CC2D1A: variants seen among roughly 807,000 people sequenced by gnomAD.
CC2D1A encodes coiled-coil and C2 domain containing 1A.
A neutral mutation model predicts 123.8 loss-of-function variants in CC2D1A; 68 were observed. The ratio of observed to expected loss-of-function variants is 0.55; its 90% confidence interval spans 0.45 to 0.67. CC2D1A has a LOEUF of 0.67. CC2D1A is among the 30% of genes least tolerant of loss of function. CC2D1A has a pLI of 0.00. For synonymous variants in CC2D1A, 477 were observed against 528.0 expected (o/e 0.90, Z 1.32); for missense variants, 1,185 against 1,290.3 (o/e 0.92, Z 1.25).
chr19:13,911,606 C>T (rs1017957774), intron 2 of CC2D1A, among the ~76,000 whole-genome samples: 9 of 147,062 alleles, frequency 6.1e-5, no homozygotes, highest in Non-Finnish European at 1.3e-4. Flanking sequence ...AGTGCAGTGG[C>T]GCAATCTCAG....
intron 2 of CC2D1A, among the ~76,000 whole-genome samples, chr19:13,910,357 G>A (rs1042466214): frequency 7.6e-5 from 11 of 145,112 alleles, no homozygotes; most frequent in African/African-American, 1.0e-4. Context: ...GCAGTGAGCC[G>A]AGATCGCACC....
chr19:13,918,439 G>C, intron 7 of CC2D1A, 65 bp from the exon 8 acceptor site: 1 of 1,495,138 alleles, frequency 6.7e-7, no homozygotes, highest in Middle Eastern at 1.7e-4. Flanking sequence ...AGGGCCCGGA[G>C]GCTCCCCACA....
At chr19:13,920,093 T>A (rs937281844) in intron 12 of CC2D1A, 142 bp downstream of exon 12, 2 of 845,828 alleles carry the variant, frequency 2.4e-6, no homozygotes, top group African/African-American at 3.5e-5. Flanking sequence ...ACAAAAAAAT[T>A]TTTTAAAATT....
At chr19:13,907,346 G>C (rs530217443) in intron 1 of CC2D1A, among the ~76,000 whole-genome samples, 1 of 152,258 alleles carries the variant, frequency 6.6e-6, no homozygotes, top group Admixed American at 6.6e-5. Flanking sequence ...AGGAGTTCAA[G>C]ACCGCAGTGA....
chr19:13,921,052 A>G, intron 14 of CC2D1A, 130 bp downstream of exon 14: 2 of 860,948 alleles, frequency 2.3e-6, no homozygotes. Context: ...CTCCCAAGAC[A>G]ATGGCTGAAA....
chr19:13,930,106 G>A lies in CC2D1A; in HGVS notation c.2739G>A (p.Leu913=). 1 of 1,611,456 alleles carries A rather than the reference G, an allele frequency of 6.2e-7. No homozygotes were observed. Among genetic ancestry groups the A allele is most frequent in the African/African-American group, 1.3e-5 (1 of 74,640 alleles). ...REYAAQLERQ[L]QFYTEAARRL... ...ACGCAGCCCAGCTGGAGCGGCAGCTGCAGTTCTACACGGAGGCTGCCCGGC... is the reference window on the plus strand; with the variant it reads ...ACGCAGCCCAGCTGGAGCGGCAGCTACAGTTCTACACGGAGGCTGCCCGGC... Residue 913 remains leucine (L), a synonymous_variant, in exon 27 of 29, where the codon CTG becomes CTA. Transcript: ENST00000318003. This position sits in a 1 kb window ranked among gnomAD's most constrained non-coding sequence, Gnocchi z 6.8.
chr19:13,915,043 C>G (rs746048870), intron 6 of CC2D1A, among the ~76,000 whole-genome samples: 1 of 152,204 alleles, frequency 6.6e-6, no homozygotes, highest in Non-Finnish European at 1.5e-5. Flanking sequence ...CCTTCTGCAA[C>G]CAAGCTAGTT....
In CC2D1A at chr19:13,930,125, G is replaced by C; in HGVS notation, c.2758G>C (p.Ala920Pro). Reference sequence around the variant, plus strand: ...GCAGCTGCAGTTCTACACGGAGGCTGCCCGGCGCCTGGGCAACGATGGCAG... The same window carrying C: ...GCAGCTGCAGTTCTACACGGAGGCTCCCCGGCGCCTGGGCAACGATGGCAG... ...ERQLQFYTEA[A>P]RRLGNDGSRD... The change falls in exon 27 of 29, where the codon GCC becomes CCC. Residue 920 changes from alanine to proline, a missense_variant. Physicochemically the swap from Ala to Pro is conservative, Grantham distance 27 (BLOSUM62 -1). Coordinates refer to ENST00000318003, the MANE Select transcript of CC2D1A (RefSeq NM_017721.5). This position sits in a 1 kb window ranked among gnomAD's most constrained non-coding sequence, Gnocchi z 6.8. 1.2e-6 allele frequency: 2 copies of C among 1,612,588 alleles called. No individual in the cohort carries two copies. The highest frequency in any genetic ancestry group is 1.7e-6 in the Non-Finnish European group (2 of 1,179,548).
chr19:13,916,081 A>C (rs1971195271), intron 6 of CC2D1A, among the ~76,000 whole-genome samples: 1 of 151,902 alleles, frequency 6.6e-6, no homozygotes, highest in African/African-American at 2.4e-5. Flanking sequence ...ACATGGTGAG[A>C]CCTCATCTCT....
intron 11 of CC2D1A, 65 bp downstream of exon 11, chr19:13,919,267 G>A: frequency 7.7e-7 from 1 of 1,306,940 alleles, no homozygotes; most frequent in East Asian, 2.5e-5. Flanking sequence ...GCCCCCAGAG[G>A]CCCCGCCGCT....
At chr19:13,925,933 A>AAAAAAAT (rs1315518981) in intron 17 of CC2D1A, among the ~76,000 whole-genome samples, 1 of 91,050 alleles carries the variant, frequency 1.1e-5, no homozygotes, top group African/African-American at 6.8e-5. Flanking sequence ...AAAAAAAAAA[A>AAAAAAAT]ATATATATAT....
In CC2D1A at chr19:13,920,883, G is replaced by C; in HGVS notation, c.1602G>C (p.Leu534=). The stretch of plus-strand genomic sequence containing the variant: ...AAGCCAAGGGACTGGAGCCTATGCT[G>C]GAGGCCTCGCGCAATGGGCTGCCTG... ...LRQAKGLEPM[L]EASRNGLPVD... The change falls in exon 14 of 29, where the codon CTG becomes CTC. Residue 534 remains leucine (L), a synonymous_variant. Transcript: ENST00000318003. 6.2e-7 allele frequency: 1 copy of C among 1,614,060 alleles called. No homozygotes were observed. Among genetic ancestry groups the C allele is most frequent in the Non-Finnish European group, 8.5e-7 (1 of 1,180,008 alleles).
At chr19:13,908,904 T>C (rs1970891294) in intron 1 of CC2D1A, among the ~76,000 whole-genome samples, 1 of 149,144 alleles carries the variant, frequency 6.7e-6, no homozygotes, top group East Asian at 2.1e-4. Context: ...CCTCCCTCCC[T>C]CTCTCCCTCC....
At position 13,927,485 on chromosome 19, in the gene CC2D1A, GA is replaced by G. The variant is rs1438261120; in HGVS notation, c.2316+223del. The G allele has an allele frequency of 1.9e-5, 11 of 566,672 alleles. No individual in the cohort carries two copies. In the South Asian group the frequency reaches 2.3e-4, roughly 12 times the overall value. The allele number at this position is 566,672 out of a possible 1,614,324, so 35.1% of individuals were successfully genotyped here. Reference sequence around the variant, plus strand: ...AGCCATACCATGGGCTCATATTTTAGAAACCACTCTTGGCCAGGCATGGTGG... The same window carrying G: ...AGCCATACCATGGGCTCATATTTTAGAACCACTCTTGGCCAGGCATGGTGG... On this transcript the variant is annotated intron_variant, in intron 22 of 28. Transcript: ENST00000318003.
At position 13,925,986 on chromosome 19, in the gene CC2D1A, A is replaced by ACG. The variant is rs1568418639; in HGVS notation, c.1941-531_1941-530insCG. Among the ~76,000 whole-genome samples the ACG allele has an allele frequency of 6.5e-4, 79 of 121,078 alleles. 1 individual carries two copies. The highest frequency in any genetic ancestry group is 2.7e-3 in the African/African-American group (73 of 27,160). The allele number at this position is 121,078 out of a possible 152,430, so 79.4% of individuals were successfully genotyped here. ...CACGTATATATATGTGTATATATAT[A>ACG]TACATATATGTGTGTATATATATAT... On this transcript the variant is annotated intron_variant, in intron 17 of 28. Transcript: ENST00000318003.
intron 2 of CC2D1A, among the ~76,000 whole-genome samples, chr19:13,911,750 C>G (rs1327683125): frequency 7.8e-6 from 1 of 127,416 alleles, no homozygotes; most frequent in African/African-American, 3.1e-5. Context: ...GAGTCTCGCT[C>G]TGTCGCCCAG....
chr19:13,923,330 C>T lies in CC2D1A; in HGVS notation c.1642-3C>T. ...CCCCCGCCACCAGCCTCGTCCTCCC[C>T]AGGTGCCGCCTGCCCCTGTCAACAA... On this transcript the variant is annotated splice_region_variant and splice_polypyrimidine_tract_variant and intron_variant, in intron 14 of 28. Transcript: ENST00000318003. The surrounding 1 kb of genome is among the most constrained non-coding windows in gnomAD (Gnocchi z 5.3). 1 of 1,603,986 alleles carries T rather than the reference C, an allele frequency of 6.2e-7. No homozygotes were observed. The highest frequency in any genetic ancestry group is 8.5e-7 in the Non-Finnish European group (1 of 1,178,692).
chr19:13,918,904 C>T lies in CC2D1A; in HGVS notation c.1019-8C>T, dbSNP rs537546040. On this transcript the variant is annotated splice_polypyrimidine_tract_variant and splice_region_variant and intron_variant, in intron 9 of 28. Coordinates refer to ENST00000318003, the MANE Select transcript of CC2D1A (RefSeq NM_017721.5). ...TGACTCTTAACCTTGTCCCCCTGTCCGGCCCAGAGGTGCCCCCACCCCCGA... is the reference window on the plus strand; with the variant it reads ...TGACTCTTAACCTTGTCCCCCTGTCTGGCCCAGAGGTGCCCCCACCCCCGA... The T allele has an allele frequency of 6.8e-6, 11 of 1,607,960 alleles. No homozygotes were observed. Among genetic ancestry groups the T allele is most frequent in the Admixed American group, 6.7e-5 (4 of 59,490 alleles).
In CC2D1A at chr19:13,930,570, C is replaced by T; in HGVS notation, c.*175C>T. On this transcript the variant is annotated 3_prime_UTR_variant, in exon 29 of 29. Transcript: ENST00000318003. This position sits in a 1 kb window ranked among gnomAD's most constrained non-coding sequence, Gnocchi z 6.8. ...CCTCCGTGGCTGCGGGTGTTGGGAA[C>T]CATGCCTGCCAGCCAGTATGTGCCC... The T allele has an allele frequency of 1.4e-6, 1 of 701,272 alleles. No individual in the cohort carries two copies. The highest frequency in any genetic ancestry group is 1.9e-5 in the South Asian group (1 of 52,520). The allele number at this position is 701,272 out of a possible 1,614,324, so 43.4% of individuals were successfully genotyped here. A position where few individuals can be genotyped will look rare whatever the true frequency, so the allele number is the denominator to read the frequency against.
Sources: allele counts gnomAD v4.1 joint callset (sites outside exome capture counted in the v4.1 genomes callset), GRCh38; gene constraint gnomAD v4.1.1; non-coding constraint Gnocchi (gnomAD v3.1); transcripts MANE v1.5; gene names NCBI Gene and HGNC (gene_info 2026-07-23, HGNC 2026-07-21).